Variants in LDAH observed in about 807,000 individuals in gnomAD.
LDAH encodes the protein lipid droplet associated hydrolase.
LDAH carries 26 observed loss-of-function variants against 29.6 expected under a neutral mutation model. The ratio of observed to expected loss-of-function variants is 0.88; its 90% CI spans 0.64 to 1.22. The LOEUF is 1.22. Ranked by LOEUF, LDAH falls within the 50% of genes most tolerant of loss-of-function variation. The probability of loss-of-function intolerance (pLI) is 0.00; values close to 1 mark genes in which losing one functional copy is unlikely to be tolerated. For synonymous variants in LDAH, 117 were observed against 133.0 expected (o/e 0.88, Z 0.83); for missense variants, 344 against 387.3 (o/e 0.89, Z 0.94).
chr2:20,802,024 A>G (rs1671736489), intron 1 of LDAH, among the ~76,000 whole-genome samples: 1 of 151,496 alleles, frequency 6.6e-6, no homozygotes, highest in Non-Finnish European at 1.5e-5. Context: ...ATATACATAC[A>G]TATCCACACA....
chr2:20,808,876 C>T (rs768396355), intron 1 of LDAH, among the ~76,000 whole-genome samples: 14 of 152,242 alleles, frequency 9.2e-5, no homozygotes, highest in Non-Finnish European at 1.6e-4. Context: ...AAAACAAGGT[C>T]TTTCAAATAA....
At chr2:20,711,196 G>A (rs1664731354) in intron 5 of LDAH, among the ~76,000 whole-genome samples, 1 of 152,068 alleles carries the variant, frequency 6.6e-6, no homozygotes, top group East Asian at 1.9e-4. Flanking sequence ...AGACCATCCT[G>A]GCTAACATGG....
Position 20,771,367 on chromosome 2 carries a change from C to A in LDAH, c.468+3443G>T, listed in dbSNP as rs552572784. Among the ~76,000 whole-genome samples, 4 of 152,270 alleles carry A rather than the reference C, an allele frequency of 2.6e-5. No homozygotes were observed. In the East Asian group the frequency reaches 5.8e-4, roughly 22 times the overall value. On this transcript the variant is annotated intron_variant, in intron 4 of 6. Coordinates refer to ENST00000237822, the MANE Select transcript of LDAH (RefSeq NM_021925.4). ...AGTCAAATATTCCAGTAAAAAATAA[C>A]AGAAGAGATGGAAACACAAGTTTCT...
chr2:20,719,881 C>G (rs1665519367), intron 5 of LDAH, among the ~76,000 whole-genome samples: 1 of 152,046 alleles, frequency 6.6e-6, no homozygotes, highest in African/African-American at 2.4e-5. Context: ...ATGATTGTTT[C>G]AATACATGCT....
chr2:20,804,829 C>G (rs1671952218), intron 1 of LDAH, among the ~76,000 whole-genome samples: 2 of 152,062 alleles, frequency 1.3e-5, no homozygotes, highest in East Asian at 1.9e-4. Flanking sequence ...AAGTGGAGAC[C>G]ACTGTCCATT....
chr2:20,802,596 A>T (rs1428648863), intron 1 of LDAH, among the ~76,000 whole-genome samples: 3 of 151,782 alleles, frequency 2.0e-5, no homozygotes, highest in African/African-American at 7.2e-5. Context: ...CCTCTCTTCC[A>T]CTCACTCAAA....
chr2:20,799,798 A>T (rs1422293618), intron 2 of LDAH, among the ~76,000 whole-genome samples: 1 of 152,184 alleles, frequency 6.6e-6, no homozygotes, highest in Non-Finnish European at 1.5e-5. Context: ...GAAGCCAAAA[A>T]ATATATTCTG....
chr2:20,769,335 T>C (rs1669254788), intron 4 of LDAH, among the ~76,000 whole-genome samples: 3 of 152,192 alleles, frequency 2.0e-5, no homozygotes, highest in African/African-American at 7.2e-5. Flanking sequence ...TTCCGTGTCT[T>C]GTCACTTGTC....
In LDAH at chr2:20,694,096, C is replaced by T. The variant is rs535105155; in HGVS notation, c.787-7002G>A. On this transcript the variant is annotated intron_variant, in intron 6 of 6. Coordinates refer to ENST00000237822, the MANE Select transcript of LDAH (RefSeq NM_021925.4). ...AGCAAAAGGTCAGATATAAAGCAGTCGGTTGAATACCAAGGGATCAAATTA... is the reference window on the plus strand; with the variant it reads ...AGCAAAAGGTCAGATATAAAGCAGTTGGTTGAATACCAAGGGATCAAATTA... Among the ~76,000 whole-genome samples, 10 of 152,362 alleles carry T rather than the reference C, an allele frequency of 6.6e-5. No individual in the cohort carries two copies. In the South Asian group the frequency reaches 1.2e-3, roughly 19 times the overall value.
intron 6 of LDAH, among the ~76,000 whole-genome samples, chr2:20,690,014 T>C (rs1287339962): frequency 6.6e-6 from 1 of 152,262 alleles, no homozygotes; most frequent in African/African-American, 2.4e-5. Flanking sequence ...TTGCTTTCTG[T>C]CTGACATTTC....
At chr2:20,771,490 T>C (rs1012013055) in intron 4 of LDAH, among the ~76,000 whole-genome samples, 2 of 152,232 alleles carry the variant, frequency 1.3e-5, no homozygotes, top group African/African-American at 4.8e-5. Flanking sequence ...AACATATTTG[T>C]CAAATGCATC....
intron 4 of LDAH, among the ~76,000 whole-genome samples, chr2:20,756,462 G>A (rs1668350995): frequency 6.6e-6 from 1 of 152,132 alleles, no homozygotes; most frequent in African/African-American, 2.4e-5. Context: ...AATGAATACA[G>A]ACAATGCAGG....
At chr2:20,764,647 T>C (rs1034458276) in intron 4 of LDAH, among the ~76,000 whole-genome samples, 4 of 152,128 alleles carry the variant, frequency 2.6e-5, no homozygotes, top group Admixed American at 2.6e-4. Context: ...CACTGTGTGT[T>C]TGAAGAACTC....
chr2:20,735,195 A>G (rs1314833647), intron 5 of LDAH, among the ~76,000 whole-genome samples: 1 of 152,128 alleles, frequency 6.6e-6, no homozygotes, highest in Non-Finnish European at 1.5e-5. Flanking sequence ...TTTGACCATT[A>G]TTTCTTTGAA....
intron 3 of LDAH, among the ~76,000 whole-genome samples, chr2:20,780,736 C>CT (rs1338910806): frequency 1.7e-4 from 26 of 152,298 alleles, no homozygotes; most frequent in Admixed American, 1.5e-3. Flanking sequence ...CCCTGGGACT[C>CT]TTAACAATTT....
intron 4 of LDAH, among the ~76,000 whole-genome samples, chr2:20,746,943 T>G (rs370815586): frequency 1.2e-4 from 19 of 152,292 alleles, no homozygotes; most frequent in African/African-American, 4.6e-4. Flanking sequence ...AAGGTAAATA[T>G]GCACACTGGG....
In LDAH at chr2:20,740,171, T is replaced by C; in HGVS notation, c.503A>G (p.Glu168Gly). 6.2e-7 allele frequency: 1 copy of C among 1,614,076 alleles called. No individual in the cohort carries two copies. The highest frequency in any genetic ancestry group is 8.5e-7 in the Non-Finnish European group (1 of 1,179,966). ...GCCATTGGGTGACTCAGACATTCGTTCAATTGTTGGAAAGAGCAGAAAGGC... is the reference window on the plus strand; with the variant it reads ...GCCATTGGGTGACTCAGACATTCGTCCAATTGTTGGAAAGAGCAGAAAGGC... ...IRAFLLFPTI[E>G]RMSESPNGRI... The change falls in exon 5 of 7, where the codon GAA becomes GGA. Residue 168 changes from glutamate to glycine, a missense_variant. Glu to Gly is a moderately conservative substitution (Grantham distance 98). Coordinates refer to ENST00000237822, the MANE Select transcript of LDAH (RefSeq NM_021925.4).
intron 4 of LDAH, among the ~76,000 whole-genome samples, chr2:20,763,652 C>A (rs189965550): frequency 7.9e-5 from 12 of 152,330 alleles, no homozygotes; most frequent in Admixed American, 1.3e-4. Context: ...GGCTAGCAGC[C>A]ACTTAACTTC....
At chr2:20,688,659 C>T (rs13423093) in intron 6 of LDAH, among the ~76,000 whole-genome samples, 50,883 of 151,744 alleles carry the variant, frequency 0.34, 9,062 homozygotes, top group East Asian at 0.51. Context: ...ACTGATCTTA[C>T]GAAAACAATG....
Sources: allele counts gnomAD v4.1 joint callset (sites outside exome capture counted in the v4.1 genomes callset), GRCh38; gene constraint gnomAD v4.1.1; transcripts MANE v1.5; gene names NCBI Gene and HGNC (gene_info 2026-07-23, HGNC 2026-07-21).